The following GPHN variants were observed in gnomAD, a reference collection of about 807,000 sequenced individuals.
GPHN encodes the protein gephyrin.
A neutral mutation model predicts 95.5 loss-of-function variants in GPHN; 17 were observed. The ratio of observed to expected loss-of-function variants is 0.18; its 90% CI spans 0.12 to 0.27. GPHN has a LOEUF of 0.27. Among genes scored for constraint, GPHN ranks in the 10% least tolerant of loss-of-function variants. The pLI is 1.00. For missense variants in GPHN, 660 were observed against 978.1 expected (o/e 0.67, Z 4.34); for synonymous variants, 320 against 322.5 (o/e 0.99, Z 0.08).
chr14:67,381,781 C>T, the GPHN span: 1 of 883,924 alleles, frequency 1.1e-6, no homozygotes, highest in Non-Finnish European at 1.7e-6. Flanking sequence ...TTTTTAATCA[C>T]ATTTCATAAC....
At chr14:67,505,601 T>C in the GPHN span, among the ~76,000 whole-genome samples, 1 of 152,198 alleles carries the variant, frequency 6.6e-6, no homozygotes, top group Non-Finnish European at 1.5e-5. Flanking sequence ...TTCTCTGAGA[T>C]GGTCTCTTGG....
At chr14:66,678,726 T>A (rs1349449965) in intron 1 of GPHN, among the ~76,000 whole-genome samples, 2 of 152,210 alleles carry the variant, frequency 1.3e-5, no homozygotes, top group African/African-American at 4.8e-5. Context: ...TTAGCTTTTT[T>A]AGGTAAACTT....
At chr14:66,689,576 T>C (rs1341852052) in intron 2 of GPHN, among the ~76,000 whole-genome samples, 2 of 152,200 alleles carry the variant, frequency 1.3e-5, no homozygotes, top group African/African-American at 4.8e-5. Context: ...GAATGAGTTT[T>C]GAAGAATTGC....
intron 1 of GPHN, among the ~76,000 whole-genome samples, chr14:66,572,229 C>T (rs2060721853): frequency 6.6e-6 from 1 of 152,102 alleles, no homozygotes; most frequent in Non-Finnish European, 1.5e-5. Context: ...GATTGTTTTC[C>T]TATTTAAGGT....
At chr14:67,281,350 C>T in the GPHN span, among the ~76,000 whole-genome samples, 1 of 152,050 alleles carries the variant, frequency 6.6e-6, no homozygotes, top group Non-Finnish European at 1.5e-5. Context: ...AAATTCCTGC[C>T]TTCAGACATT....
chr14:66,730,846 G>C (rs2153433681), intron 2 of GPHN, among the ~76,000 whole-genome samples: 1 of 152,280 alleles, frequency 6.6e-6, no homozygotes, highest in Admixed American at 6.5e-5. Flanking sequence ...ACACTGATAT[G>C]GTTTGGCTCT....
At chr14:67,707,995 C>T in the GPHN span, among the ~76,000 whole-genome samples, 12 of 152,164 alleles carry the variant, frequency 7.9e-5, no homozygotes, top group Admixed American at 7.9e-4. Context: ...GATAAAATAA[C>T]CAGTTTCTCC....
intron 16 of GPHN, among the ~76,000 whole-genome samples, chr14:67,116,895 C>CT (rs2078728079): frequency 1.3e-5 from 2 of 152,094 alleles, no homozygotes; most frequent in Non-Finnish European, 2.9e-5. Context: ...TCAGTTAAAC[C>CT]TTTTTTTCCC....
the GPHN span, among the ~76,000 whole-genome samples, chr14:67,351,382 CAAAAGA>C: frequency 6.6e-6 from 1 of 152,108 alleles, no homozygotes; most frequent in East Asian, 1.9e-4. Context: ...TGTAAAGCAA[CAAAAGA>C]AAATGTGGCA....
chr14:66,980,745 A>T (rs546415235), intron 9 of GPHN, among the ~76,000 whole-genome samples: 25 of 152,314 alleles, frequency 1.6e-4, no homozygotes, highest in African/African-American at 5.8e-4. Context: ...TAGACATCAG[A>T]ACCTTTAAAA....
chr14:67,141,582 G>A (rs2080462687), intron 17 of GPHN, among the ~76,000 whole-genome samples: 1 of 152,146 alleles, frequency 6.6e-6, no homozygotes, highest in South Asian at 2.1e-4. Context: ...CTTTACAGAT[G>A]AAAAACTAAG....
In GPHN at chr14:67,174,547, G is replaced by A. The variant is rs541621430; in HGVS notation, c.2080-5031G>A. Among the ~76,000 whole-genome samples the A allele has an allele frequency of 1.4e-4, 22 of 152,260 alleles. No individual in the cohort carries two copies. The East Asian group carries it at 4.0e-3, about 28-fold the overall frequency. ...ATAGTGTCGCGATAAACATACATGT[G>A]CATGTGTCTTTATAGTAGAATAATC... On this transcript the variant is annotated intron_variant, in intron 21 of 22. Coordinates refer to ENST00000478722, the MANE Select transcript of GPHN (RefSeq NM_020806.5).
At chr14:67,594,977 A>T in the GPHN span, among the ~76,000 whole-genome samples, 1 of 151,858 alleles carries the variant, frequency 6.6e-6, no homozygotes, top group Non-Finnish European at 1.5e-5. Flanking sequence ...CTCTACTAAA[A>T]ATACTAAAAG....
chr14:67,726,437 G>A, the GPHN span, among the ~76,000 whole-genome samples: 4 of 152,230 alleles, frequency 2.6e-5, no homozygotes, highest in Non-Finnish European at 5.9e-5. Flanking sequence ...TTGCCAGGCA[G>A]GGCCAGACCT....
intron 8 of GPHN, among the ~76,000 whole-genome samples, chr14:66,963,989 G>A (rs1778910273): frequency 6.6e-6 from 1 of 152,130 alleles, no homozygotes; most frequent in African/African-American, 2.4e-5. Flanking sequence ...TTTATCATAT[G>A]TTTCAAGTCT....
At chr14:67,729,061 G>T in the GPHN span, 1 of 923,722 alleles carries the variant, frequency 1.1e-6, no homozygotes, top group Non-Finnish European at 1.8e-6. Context: ...GCCAGGAGTG[G>T]TACCTGCTGA....
chr14:66,747,448 T>C (rs2058196688), intron 2 of GPHN, among the ~76,000 whole-genome samples: 1 of 152,146 alleles, frequency 6.6e-6, no homozygotes, highest in Non-Finnish European at 1.5e-5. Context: ...TCATAAGAAG[T>C]TGACTATAAA....
At chr14:67,279,573 G>C in the GPHN span, 12 of 1,497,080 alleles carry the variant, frequency 8.0e-6, no homozygotes, top group South Asian at 1.1e-4. Flanking sequence ...AAAACATTTT[G>C]CTTTAATTTA....
At chr14:67,694,610 T>C in the GPHN span, among the ~76,000 whole-genome samples, 1 of 151,418 alleles carries the variant, frequency 6.6e-6, no homozygotes. Flanking sequence ...GATAAGAGGA[T>C]CTTGTAGTGA....
Sources: gnomAD v4.1 joint callset for allele counts (sites outside exome capture counted in the v4.1 genomes callset) on GRCh38, gnomAD v4.1.1 for gene constraint, MANE v1.5 for transcripts, NCBI Gene and HGNC (gene_info 2026-07-23, HGNC 2026-07-21) for gene names.